The following PLCG2 variants were observed in gnomAD, a reference collection of about 807,000 sequenced individuals.
PLCG2 encodes phospholipase C gamma 2.
A neutral mutation model predicts 175.6 loss-of-function variants in PLCG2; 69 were observed. The ratio of observed to expected loss-of-function variants is 0.39; its 90% confidence interval spans 0.32 to 0.48. PLCG2 has a LOEUF of 0.48. Ranked by LOEUF, PLCG2 falls within the 20% of genes least tolerant of loss-of-function variation. The pLI, the probability that PLCG2 is intolerant of heterozygous loss-of-function variation, is 0.91. For synonymous variants in PLCG2, 827 were observed against 624.0 expected (o/e 1.33, Z -4.85); for missense variants, 1,798 against 1,650.9 (o/e 1.09, Z -1.54).
intron 1 of PLCG2, among the ~76,000 whole-genome samples, chr16:81,742,158 G>GT (rs1421532127): frequency 1.4e-5 from 2 of 143,058 alleles, no homozygotes; most frequent in African/African-American, 5.1e-5. Flanking sequence ...TGGGGGCGGG[G>GT]GGGGGGGCGG....
intron 30 of PLCG2, among the ~76,000 whole-genome samples, chr16:81,944,680 T>C (rs536148558): frequency 1.3e-5 from 2 of 152,282 alleles, no homozygotes; most frequent in Non-Finnish European, 2.9e-5. Context: ...CTTGCTATGT[T>C]GCCTAGGCTA....
chr16:81,779,894 C>T (rs1910652936), intron 1 of PLCG2, among the ~76,000 whole-genome samples: 1 of 152,234 alleles, frequency 6.6e-6, no homozygotes. Context: ...GAGGCGCAGT[C>T]CTTCCCGGAG....
intron 2 of PLCG2, among the ~76,000 whole-genome samples, chr16:81,806,820 C>T (rs976254791): frequency 6.6e-6 from 1 of 151,592 alleles, no homozygotes; most frequent in Non-Finnish European, 1.5e-5. Context: ...CAGGAATGGC[C>T]AGGACAAAGC....
intron 1 of PLCG2, among the ~76,000 whole-genome samples, chr16:81,751,399 C>T (rs890341787): frequency 3.9e-5 from 6 of 152,144 alleles, no homozygotes; most frequent in African/African-American, 9.7e-5. Flanking sequence ...CACATGTTCT[C>T]ACTTATATGT....
At chr16:81,766,461 C>A (rs1468005044) in intron 2 of PLCG2, among the ~76,000 whole-genome samples, 4 of 147,364 alleles carry the variant, frequency 2.7e-5, no homozygotes, top group Non-Finnish European at 4.5e-5. Flanking sequence ...CTCACTTAGC[C>A]AGCGCCTCCT....
chr16:81,837,555 G>A (rs375643540), intron 2 of PLCG2, among the ~76,000 whole-genome samples: 126 of 152,340 alleles, frequency 8.3e-4, no homozygotes, highest in African/African-American at 3.0e-3. Context: ...TGTCGTGGGT[G>A]CCATGGCAAA....
rs543943442 is a variant in PLCG2 at position 81,847,660 on chromosome 16, G to A, written c.194-6784G>A. On this transcript the variant is annotated intron_variant, in intron 2 of 32. Transcript: ENST00000564138. ...GCGTCTGCGGATTTAAGCTATGGTC[G>A]ATTGAAAATATTTGAGAAAATTGCA... Among the ~76,000 whole-genome samples, 151 of 152,260 alleles carry A rather than the reference G, an allele frequency of 9.9e-4. 1 individual carries two copies. Among genetic ancestry groups the A allele is most frequent in the South Asian group, 3.3e-3 (16 of 4,826 alleles).
At chr16:81,760,273 C>T (rs1001577862) in intron 2 of PLCG2, among the ~76,000 whole-genome samples, 2 of 152,272 alleles carry the variant, frequency 1.3e-5, no homozygotes, top group East Asian at 1.9e-4. Context: ...GAGCAGTGCC[C>T]ACTGCCAGGA....
At chr16:81,778,833 G>C (rs1012655134), upstream of PLCG2, among the ~76,000 whole-genome samples, 1 of 120,056 alleles carries the variant, frequency 8.3e-6, no homozygotes, top group Non-Finnish European at 1.8e-5. Flanking sequence ...ATTTATTTTT[G>C]AGACGGAGTG....
At chr16:81,755,257 C>T (rs1334513979) in intron 1 of PLCG2, among the ~76,000 whole-genome samples, 7 of 151,856 alleles carry the variant, frequency 4.6e-5, no homozygotes, top group Non-Finnish European at 1.0e-4. Context: ...AGTACGGTGC[C>T]GTCATCGTGG....
intron 23 of PLCG2, 131 bp downstream of exon 23, chr16:81,927,309 G>C: frequency 1.5e-6 from 1 of 661,932 alleles, no homozygotes; most frequent in South Asian, 1.7e-5. Flanking sequence ...TCTGGATCAG[G>C]GAAGACACAG....
chr16:81,907,906 G>C (rs868446886), intron 16 of PLCG2, 132 bp downstream of exon 16: 1 of 633,002 alleles, frequency 1.6e-6, no homozygotes, highest in Non-Finnish European at 2.8e-6. Flanking sequence ...AGAAGCTGTT[G>C]ATACTCTGGG....
chr16:81,756,033 C>G (rs1428423520), intron 2 of PLCG2: 1 of 153,536 alleles, frequency 6.5e-6, no homozygotes, highest in Non-Finnish European at 1.5e-5. Context: ...CAGCACCGAG[C>G]CTGGCCTGTT....
At position 81,832,102 on chromosome 16, in the gene PLCG2, TG is replaced by T. The variant is rs527309142; in HGVS notation, c.194-22340del. 3.0e-4 allele frequency among the ~76,000 whole-genome samples: 38 copies of T among 125,672 alleles called. No individual in the cohort carries two copies. In the South Asian group the frequency reaches 6.1e-3, roughly 20 times the overall value. The allele number at this position is 125,672 out of a possible 152,430, so 82.4% of individuals were successfully genotyped here. A position where few individuals can be genotyped will look rare whatever the true frequency, so the allele number is the denominator to read the frequency against. ...GGCCTCAGTCTTCTCCTTTGATAAA[TG>T]GAGGGGGGGAATAGTGATATTGTGG... On this transcript the variant is annotated intron_variant, in intron 2 of 32. Transcript: ENST00000564138.
chr16:81,830,989 C>T (rs1316639829), intron 2 of PLCG2, among the ~76,000 whole-genome samples: 1 of 152,120 alleles, frequency 6.6e-6, no homozygotes, highest in African/African-American at 2.4e-5. Flanking sequence ...CTACAACCAA[C>T]CATACACATT....
At chr16:81,909,863 C>T (rs540409731) in intron 17 of PLCG2, among the ~76,000 whole-genome samples, 1 of 152,258 alleles carries the variant, frequency 6.6e-6, no homozygotes, top group Non-Finnish European at 1.5e-5. Context: ...TCATTCCTGT[C>T]AGACCGCTGG....
At chr16:81,920,830 T>G (rs1203393631) in intron 20 of PLCG2, among the ~76,000 whole-genome samples, 1 of 152,224 alleles carries the variant, frequency 6.6e-6, no homozygotes, top group Non-Finnish European at 1.5e-5. Flanking sequence ...TTTCAAGTTG[T>G]TGATGTGCTG....
At chr16:81,926,621 A>G (rs911285331) in intron 22 of PLCG2, among the ~76,000 whole-genome samples, 1 of 152,166 alleles carries the variant, frequency 6.6e-6, no homozygotes, top group Non-Finnish European at 1.5e-5. Flanking sequence ...AAACCCTCTG[A>G]GGGAAGCACT....
At chr16:81,941,421 A>T (rs1188093469) in intron 30 of PLCG2, among the ~76,000 whole-genome samples, 2 of 152,218 alleles carry the variant, frequency 1.3e-5, no homozygotes, top group East Asian at 1.9e-4. Flanking sequence ...CTGCATCTTT[A>T]GGCAGCTCCC....
Sources: gnomAD v4.1 joint callset for allele counts (sites outside exome capture counted in the v4.1 genomes callset) on GRCh38, gnomAD v4.1.1 for gene constraint, MANE v1.5 for transcripts, NCBI Gene and HGNC (gene_info 2026-07-23, HGNC 2026-07-21) for gene names.